HELZ: variants seen among roughly 807,000 people sequenced by gnomAD.
HELZ encodes the protein ATP-dependent RNA helicase with zinc finger domain.
Under a neutral mutation model 218.2 loss-of-function variants are expected in HELZ, and 23 were observed. That is an observed-to-expected ratio of 0.11 (90% CI 0.08 to 0.15). HELZ has a LOEUF of 0.15. Among genes scored for constraint, HELZ ranks in the 10% least tolerant of loss-of-function variants. The pLI, the probability that HELZ is intolerant of heterozygous loss-of-function variation, is 1.00. For missense variants in HELZ, 1,813 were observed against 2,353.7 expected (o/e 0.77, Z 4.75); for synonymous variants, 814 against 829.4 (o/e 0.98, Z 0.32).
chr17:67,193,066 G>C (rs2039937439), intron 9 of HELZ, among the ~76,000 whole-genome samples: 1 of 152,154 alleles, frequency 6.6e-6, no homozygotes, highest in South Asian at 2.1e-4. Flanking sequence ...GCCATGGCCA[G>C]GTGTGGTGGC....
At chr17:67,148,300 T>C (rs751534259) in intron 20 of HELZ, among the ~76,000 whole-genome samples, 5 of 152,220 alleles carry the variant, frequency 3.3e-5, no homozygotes, top group Admixed American at 6.5e-5. Flanking sequence ...CATTCGATCA[T>C]ACAAGTCTTC....
intron 31 of HELZ, among the ~76,000 whole-genome samples, chr17:67,089,427 A>G (rs2036490821): frequency 6.6e-6 from 1 of 152,018 alleles, no homozygotes; most frequent in African/African-American, 2.4e-5. Context: ...TGTATCTTCC[A>G]AACTGAAATC....
rs182867496 is a variant in HELZ at position 67,076,034 on chromosome 17, G to T, written c.*2218C>A. ...AATTTAAAAACTGATATTTTTTAAA[G>T]ATTCAAGTATAGAAAACAGAAAATT... On this transcript the variant is annotated 3_prime_UTR_variant, in exon 33 of 33. Transcript: ENST00000358691. 3 of 152,584 alleles carry T rather than the reference G, an allele frequency of 2.0e-5. No homozygotes were observed. The East Asian group carries it at 5.8e-4, about 29-fold the overall frequency. The allele number at this position is 152,584 out of a possible 1,614,324, so 9.5% of individuals were successfully genotyped here. A position where few individuals can be genotyped will look rare whatever the true frequency, so the allele number is the denominator to read the frequency against.
intron 5 of HELZ, among the ~76,000 whole-genome samples, chr17:67,213,362 G>A (rs527969151): frequency 2.0e-5 from 3 of 152,248 alleles, no homozygotes; most frequent in East Asian, 1.9e-4. Flanking sequence ...AGTGGCTCAC[G>A]TCTGTAATCC....
At position 67,078,465 on chromosome 17, in the gene HELZ, G is replaced by T. The variant is rs769194308; in HGVS notation, c.5616C>A (p.Asn1872Lys). The change falls in exon 33 of 33, where the codon AAC (asparagine) becomes AAA (lysine). Residue 1872 changes from asparagine (N) to lysine (K), a missense_variant. Asn to Lys is a moderately conservative substitution (Grantham distance 94). This residue lies in a region of HELZ where 938 missense variants were observed against 1,027.5 expected (regional missense o/e 0.91). Coordinates refer to ENST00000358691, the MANE Select transcript of HELZ (RefSeq NM_014877.4). ...TATTGGCCGACTCCGCGATCTGCTT[G>T]TTAGGCATAAGGGGTGGAAACTGGC... ...HLGQFPPLMP[N>K]KQIAESANSS... The T allele has an allele frequency of 1.3e-6, 2 of 1,591,180 alleles. No individual in the cohort carries two copies. Among genetic ancestry groups the T allele is most frequent in the Non-Finnish European group, 1.7e-6 (2 of 1,171,120 alleles).
intron 27 of HELZ, among the ~76,000 whole-genome samples, chr17:67,115,180 A>G (rs1310831702): frequency 2.0e-5 from 3 of 152,132 alleles, no homozygotes; most frequent in Non-Finnish European, 2.9e-5. Context: ...AAAGCACTGA[A>G]TGGAATTACC....
chr17:67,211,635 T>C lies in HELZ; in HGVS notation c.247+4264A>G, dbSNP rs574602336. On this transcript the variant is annotated intron_variant, in intron 5 of 32. Transcript: ENST00000358691. ...CAGCACTTTGGGAGGCCAAGGCAGG[T>C]GGACCACTTGAGGTCAGGAGTTTGA... Among the ~76,000 whole-genome samples the C allele has an allele frequency of 2.0e-5, 3 of 152,258 alleles. No individual in the cohort carries two copies. In the South Asian group the frequency reaches 6.2e-4, roughly 32 times the overall value.
intron 7 of HELZ, among the ~76,000 whole-genome samples, chr17:67,196,144 G>A (rs941259115): frequency 6.6e-6 from 1 of 152,028 alleles, no homozygotes; most frequent in African/African-American, 2.4e-5. Context: ...GAGCCACCAC[G>A]CCCGGCTAGA....
intron 30 of HELZ, among the ~76,000 whole-genome samples, chr17:67,107,908 A>G (rs1188469229): frequency 6.6e-6 from 1 of 152,214 alleles, no homozygotes; most frequent in Admixed American, 6.5e-5. Flanking sequence ...CATTGTATTA[A>G]AAACATCTGT....
chr17:67,151,018 T>C, intron 18 of HELZ, 28 bp downstream of exon 18: 6 of 1,602,774 alleles, frequency 3.7e-6, no homozygotes, highest in Non-Finnish European at 5.1e-6. Flanking sequence ...GCCCTAAACT[T>C]GTGAGACTGT....
At chr17:67,089,664 T>TAGAGAGAGAG (rs1451569948) in intron 31 of HELZ, among the ~76,000 whole-genome samples, 28 of 45,452 alleles carry the variant, frequency 6.2e-4, no homozygotes, top group African/African-American at 2.4e-3. Flanking sequence ...TATATATATA[T>TAGAGAGAGAG]ATATAGAGAG....
intron 17 of HELZ, among the ~76,000 whole-genome samples, chr17:67,153,222 C>A (rs1462734035): frequency 6.6e-6 from 1 of 151,992 alleles, no homozygotes; most frequent in Non-Finnish European, 1.5e-5. Flanking sequence ...AGTATATTTT[C>A]ATGCTGTACA....
chr17:67,133,474 G>A (rs2038050612), intron 23 of HELZ, among the ~76,000 whole-genome samples: 1 of 152,130 alleles, frequency 6.6e-6, no homozygotes, highest in Admixed American at 6.6e-5. Flanking sequence ...AAATATATTT[G>A]GAGTTATTTA....
chr17:67,232,931 C>T (rs1288395748), intron 3 of HELZ, among the ~76,000 whole-genome samples: 2 of 152,114 alleles, frequency 1.3e-5, no homozygotes, highest in Non-Finnish European at 2.9e-5. Flanking sequence ...TTCAGGAGTT[C>T]GAGATCAGAC....
At chr17:67,193,701 G>A (rs1420492576) in intron 9 of HELZ, among the ~76,000 whole-genome samples, 1 of 152,106 alleles carries the variant, frequency 6.6e-6, no homozygotes, top group Non-Finnish European at 1.5e-5. Flanking sequence ...GGGCAATAGG[G>A]CGAGACTCCA....
intron 8 of HELZ, 43 bp downstream of exon 8, chr17:67,195,376 C>T (rs1216116278): frequency 8.2e-7 from 1 of 1,212,544 alleles, no homozygotes; most frequent in Non-Finnish European, 1.2e-6. Context: ...AAGCAAAGCC[C>T]TTATTCACAG....
At chr17:67,245,083 C>A in intron 1 of HELZ, 65 bp downstream of exon 1, 1 of 984,824 alleles carries the variant, frequency 1.0e-6, no homozygotes, top group Non-Finnish European at 1.2e-6. Context: ...GGGTCCCCTC[C>A]CCGGAGAGCT....
rs747942050 is a variant in HELZ at position 67,107,559 on chromosome 17, T to A, written c.4851A>T (p.Ala1617=). The A allele has an allele frequency of 1.2e-6, 2 of 1,614,178 alleles. No individual in the cohort carries two copies. The highest frequency in any genetic ancestry group is 3.3e-5 in the Admixed American group (2 of 60,024). The stretch of plus-strand genomic sequence containing the variant: ...CTGTACTGGATGGGGGAGATGGGAC[T>A]GCTGGTGGGCTTCTACTCTGTACTT... ...YRQVQSRSPP[A]VPSPPSSTDH... Residue 1617 remains alanine (A), a synonymous_variant, in exon 31 of 33, where the codon GCA becomes GCT. Transcript: ENST00000358691.
chr17:67,165,886 C>T (rs1011224362), intron 15 of HELZ, among the ~76,000 whole-genome samples: 4 of 152,178 alleles, frequency 2.6e-5, no homozygotes, highest in African/African-American at 9.7e-5. Context: ...CATCCCAGAA[C>T]TCTGGCAAGA....
Sources: allele counts gnomAD v4.1 joint callset (sites outside exome capture counted in the v4.1 genomes callset), GRCh38; gene constraint gnomAD v4.1.1; regional missense constraint gnomAD v4.1.1; transcripts MANE v1.5; gene names NCBI Gene and HGNC (gene_info 2026-07-23, HGNC 2026-07-21).